The following EBF1 variants were observed in gnomAD, a reference collection of about 807,000 sequenced individuals.
EBF1 encodes EBF transcription factor 1, also known as transcription factor COE1.
EBF1 carries 10 observed loss-of-function variants against 68.4 expected under a neutral mutation model. That is an observed-to-expected ratio of 0.15 (90% CI 0.09 to 0.25). The LOEUF (loss-of-function observed/expected upper bound fraction) is 0.25, where lower values mean the gene tolerates loss of function less well. EBF1 is among the 10% of genes least tolerant of loss of function. The pLI is 1.00. For missense variants in EBF1, 509 were observed against 794.4 expected, an observed-to-expected ratio of 0.64 and a Z score of 4.32; for synonymous variants, 298 against 299.8, an observed-to-expected ratio of 0.99 and a Z score of 0.06.
intron 6 of EBF1, among the ~76,000 whole-genome samples, chr5:158,932,149 G>A (rs1811018734): frequency 6.6e-6 from 1 of 152,180 alleles, no homozygotes; most frequent in South Asian, 2.1e-4. Flanking sequence ...CATATCCTTT[G>A]AGCCTGTAAT....
At chr5:158,702,742 TC>T (rs1757012978) in intron 15 of EBF1, among the ~76,000 whole-genome samples, 1 of 46,436 alleles carries the variant, frequency 2.2e-5, no homozygotes, top group African/African-American at 9.7e-5. Context: ...AGACTCCTTC[TC>T]AAAAAAAAAA....
At chr5:158,830,583 T>C (rs898636864) in intron 7 of EBF1, among the ~76,000 whole-genome samples, 1 of 152,192 alleles carries the variant, frequency 6.6e-6, no homozygotes, top group Non-Finnish European at 1.5e-5. Flanking sequence ...GGCCTTTCAG[T>C]ACACAGTCCT....
chr5:159,079,407 T>G (rs10515789), intron 5 of EBF1, among the ~76,000 whole-genome samples: 16,497 of 152,116 alleles, frequency 0.11, 1,172 homozygotes, highest in East Asian at 0.34. Flanking sequence ...ACTGCCGACA[T>G]CCTTCTTATA....
At chr5:158,892,250 A>G (rs965338111) in intron 6 of EBF1, among the ~76,000 whole-genome samples, 34 of 152,304 alleles carry the variant, frequency 2.2e-4, no homozygotes, top group African/African-American at 7.5e-4. Context: ...TCACTTTAGG[A>G]GGCTGAGGCA....
chr5:158,954,353 G>A (rs1239739341), intron 6 of EBF1, among the ~76,000 whole-genome samples: 5 of 152,234 alleles, frequency 3.3e-5, no homozygotes, highest in African/African-American at 4.8e-5. Flanking sequence ...AAATGTGCCA[G>A]CAACGGTGCC....
intron 6 of EBF1, among the ~76,000 whole-genome samples, chr5:158,845,782 G>A (rs1031146902): frequency 6.6e-5 from 10 of 151,264 alleles, no homozygotes; most frequent in African/African-American, 1.9e-4. Context: ...CAAAGGCTAA[G>A]ACACATAAAG....
intron 6 of EBF1, among the ~76,000 whole-genome samples, chr5:158,862,755 A>T (rs1295055822): frequency 6.6e-6 from 1 of 152,202 alleles, no homozygotes; most frequent in Admixed American, 6.5e-5. Flanking sequence ...ATCCTTTGCA[A>T]AGTGGACACC....
intron 8 of EBF1, among the ~76,000 whole-genome samples, chr5:158,800,688 G>A (rs1780423465): frequency 6.6e-6 from 1 of 152,134 alleles, no homozygotes; most frequent in Admixed American, 6.6e-5. Flanking sequence ...AACATGCAAA[G>A]CAGCCAAGGA....
intron 6 of EBF1, among the ~76,000 whole-genome samples, chr5:158,937,345 A>T (rs1002923541): frequency 5.9e-5 from 9 of 152,088 alleles, no homozygotes; most frequent in Non-Finnish European, 1.2e-4. Flanking sequence ...GCCCTTCAGT[A>T]CCCCTGAAAG....
chr5:159,018,057 C>T (rs1184830626), intron 6 of EBF1, among the ~76,000 whole-genome samples: 2 of 152,094 alleles, frequency 1.3e-5, no homozygotes, highest in African/African-American at 4.8e-5. Context: ...CTCCCAACAC[C>T]TCCCATCGCT....
At chr5:158,845,824 T>G (rs1025125272) in intron 6 of EBF1, among the ~76,000 whole-genome samples, 3 of 151,926 alleles carry the variant, frequency 2.0e-5, no homozygotes, top group African/African-American at 7.3e-5. Flanking sequence ...CGTGGAGAAC[T>G]CCAGCCAGTC....
At chr5:158,957,350 A>G (rs1817341493) in intron 6 of EBF1, among the ~76,000 whole-genome samples, 1 of 152,256 alleles carries the variant, frequency 6.6e-6, no homozygotes, top group South Asian at 2.1e-4. Context: ...GTCACATAAG[A>G]AATGAAAATT....
At chr5:159,005,751 T>G (rs1490817284) in intron 6 of EBF1, among the ~76,000 whole-genome samples, 1 of 152,200 alleles carries the variant, frequency 6.6e-6, no homozygotes, top group Non-Finnish European at 1.5e-5. Context: ...AGTGGACCCT[T>G]CTGAGAATTT....
intron 6 of EBF1, among the ~76,000 whole-genome samples, chr5:158,903,980 G>A (rs896173135): frequency 6.6e-6 from 1 of 152,040 alleles, no homozygotes; most frequent in Non-Finnish European, 1.5e-5. Context: ...AGGGGGTGGA[G>A]GGTACAAAAC....
chr5:158,731,095 G>T lies in EBF1; in HGVS notation c.1099C>A (p.Pro367Thr). The T allele has an allele frequency of 6.2e-7, 1 of 1,614,038 alleles. No homozygotes were observed. The highest frequency in any genetic ancestry group is 8.5e-7 in the Non-Finnish European group (1 of 1,179,972). The change falls in exon 11 of 16, where the codon CCT becomes ACT. Residue 367 changes from proline (P) to threonine (T), a missense_variant. Transcript: ENST00000313708. ...TTTGGCAAACGCTCAGGGTCACCAGGGTGCCGAGGAATGACCTTCTGTAAC... is the reference window on the plus strand; with the variant it reads ...TTTGGCAAACGCTCAGGGTCACCAGTGTGCCGAGGAATGACCTTCTGTAAC... The part of the protein sequence containing the change: ...QRLQKVIPRH[P>T]GDPERLPKEV...
intron 10 of EBF1, among the ~76,000 whole-genome samples, chr5:158,767,710 T>C (rs1386716203): frequency 6.7e-6 from 1 of 149,112 alleles, no homozygotes; most frequent in South Asian, 2.1e-4. Flanking sequence ...AAAAAAAAGG[T>C]GTGGAATAGG....
At chr5:158,824,621 A>T (rs987829415) in intron 7 of EBF1, among the ~76,000 whole-genome samples, 1 of 152,232 alleles carries the variant, frequency 6.6e-6, no homozygotes, top group Non-Finnish European at 1.5e-5. Flanking sequence ...GTTGGCACAG[A>T]TGGAGGCCTC....
intron 6 of EBF1, among the ~76,000 whole-genome samples, chr5:158,945,570 G>A (rs931147454): frequency 2.6e-5 from 4 of 152,182 alleles, no homozygotes; most frequent in Non-Finnish European, 4.4e-5. Flanking sequence ...TCCCTTTGTG[G>A]GTAACCCAAC....
chr5:159,084,559 A>G, intron 5 of EBF1, 107 bp downstream of exon 5: 2 of 954,746 alleles, frequency 2.1e-6, no homozygotes, highest in East Asian at 2.8e-5. Context: ...TAGAAGCAAG[A>G]CAAATGTGTA....
Sources: allele counts gnomAD v4.1 joint callset (sites outside exome capture counted in the v4.1 genomes callset), GRCh38; gene constraint gnomAD v4.1.1; transcripts MANE v1.5; gene names NCBI Gene and HGNC (gene_info 2026-07-23, HGNC 2026-07-21).